The following TFEC variants were observed in gnomAD, a reference collection of about 807,000 sequenced individuals.
TFEC encodes the protein transcription factor EC.
Under a neutral mutation model 41.6 loss-of-function variants are expected in TFEC, and 31 were observed. That is an observed-to-expected ratio of 0.74 (90% CI 0.56 to 1.01). The LOEUF (loss-of-function observed/expected upper bound fraction) is 1.01. TFEC is among the 50% of genes least tolerant of loss of function. The probability of loss-of-function intolerance (pLI) is 0.00; values close to 1 mark genes in which losing one functional copy is unlikely to be tolerated. For missense variants in TFEC, 402 were observed against 404.1 expected, an observed-to-expected ratio of 0.99 and a Z score of 0.04; for synonymous variants, 143 against 140.6, an observed-to-expected ratio of 1.02 and a Z score of -0.12.
chr7:115,983,415 G>C (rs952880861), intron 2 of TFEC, among the ~76,000 whole-genome samples: 1 of 152,006 alleles, frequency 6.6e-6, no homozygotes, highest in African/African-American at 2.4e-5. Flanking sequence ...GAGGCTACAG[G>C]CTTAATAGAT....
At chr7:115,946,329 G>C (rs909853204) in intron 6 of TFEC, among the ~76,000 whole-genome samples, 1 of 150,212 alleles carries the variant, frequency 6.7e-6, no homozygotes, top group Admixed American at 6.7e-5. Flanking sequence ...ACAAATTGTT[G>C]AATTGTCCAA....
intron 3 of TFEC, among the ~76,000 whole-genome samples, chr7:116,105,155 CA>C (rs1241840151): frequency 6.6e-6 from 1 of 151,866 alleles, no homozygotes; most frequent in Non-Finnish European, 1.5e-5. Context: ...TCTAGAAGAC[CA>C]AGAAATCATA....
At chr7:115,976,536 G>T (rs1793387844) in intron 2 of TFEC, among the ~76,000 whole-genome samples, 1 of 152,178 alleles carries the variant, frequency 6.6e-6, no homozygotes, top group Non-Finnish European at 1.5e-5. Flanking sequence ...ATGGTCAGAT[G>T]TTAAATCCTT....
chr7:116,139,550 CA>C (rs1033773057), intron 1 of TFEC, among the ~76,000 whole-genome samples: 1 of 151,900 alleles, frequency 6.6e-6, no homozygotes, highest in Non-Finnish European at 1.5e-5. Flanking sequence ...TAATGTAAAA[CA>C]AAAAGTTTAA....
At chr7:116,062,505 A>G (rs1321205675) in intron 3 of TFEC, among the ~76,000 whole-genome samples, 1 of 141,982 alleles carries the variant, frequency 7.0e-6, no homozygotes, top group Non-Finnish European at 1.5e-5. Context: ...CTCTAATTCC[A>G]TACAGGTTGC....
At chr7:115,980,282 GC>G (rs1387680146) in intron 2 of TFEC, among the ~76,000 whole-genome samples, 1 of 152,066 alleles carries the variant, frequency 6.6e-6, no homozygotes, top group East Asian at 1.9e-4. Flanking sequence ...TGGTTTGAGG[GC>G]CTGAGAGATG....
intron 3 of TFEC, among the ~76,000 whole-genome samples, chr7:116,040,805 T>C (rs571122778): frequency 4.2e-4 from 64 of 152,284 alleles, no homozygotes; most frequent in African/African-American, 1.2e-3. Flanking sequence ...CATGAGTTGT[T>C]ATACTCCATG....
rs113956703 is a variant in TFEC, at chr7:116,070,628, G to T, written c.198+40080C>A. Reference sequence around the variant, plus strand: ...AATACATACACCTATTTTAGCTGTGGGTCAGAAATGTTCTCTTTTAATATA... The same window carrying T: ...AATACATACACCTATTTTAGCTGTGTGTCAGAAATGTTCTCTTTTAATATA... On this transcript the variant is annotated intron_variant, in intron 3 of 8. Coordinates refer to the TFEC transcript ENST00000484212. Among the ~76,000 whole-genome samples, 72 of 151,258 alleles carry T rather than the reference G, an allele frequency of 4.8e-4. 1 individual carries two copies. Among genetic ancestry groups the T allele is most frequent in the Non-Finnish European group, 9.8e-4 (66 of 67,376 alleles).
At chr7:115,958,569 C>G (rs1346880358) in intron 3 of TFEC, among the ~76,000 whole-genome samples, 1 of 151,732 alleles carries the variant, frequency 6.6e-6, no homozygotes, top group Non-Finnish European at 1.5e-5. Flanking sequence ...AGAAAAGGAG[C>G]CATATTACAG....
chr7:116,022,890 C>G (rs1189133330), intron 1 of TFEC, among the ~76,000 whole-genome samples: 1 of 152,012 alleles, frequency 6.6e-6, no homozygotes, highest in Non-Finnish European at 1.5e-5. Flanking sequence ...CATGAAACCC[C>G]GTGAGGTAGA....
chr7:116,068,650 T>A (rs1011702588), intron 3 of TFEC, among the ~76,000 whole-genome samples: 1 of 151,684 alleles, frequency 6.6e-6, no homozygotes, highest in Non-Finnish European at 1.5e-5. Flanking sequence ...AAAATATTAA[T>A]GATTATTTTA....
rs960299849 is a variant in TFEC at position 116,083,002 on chromosome 7, G to C, written c.198+27706C>G. Among the ~76,000 whole-genome samples, 3 of 151,746 alleles carry C rather than the reference G, an allele frequency of 2.0e-5. No homozygotes were observed. In the East Asian group the frequency reaches 5.8e-4, roughly 29 times the overall value. On this transcript the variant is annotated intron_variant, in intron 3 of 8. Transcript: ENST00000484212. ...AATAAATATATGGCATAGATACCAA[G>C]ATACGTTATGCTTTTAATAAAGATA...
At chr7:115,998,977 A>C (rs1169474254) in intron 1 of TFEC, among the ~76,000 whole-genome samples, 2 of 152,030 alleles carry the variant, frequency 1.3e-5, no homozygotes, top group Admixed American at 1.3e-4. Flanking sequence ...ACTATAAACC[A>C]AATAAACCTA....
chr7:116,007,013 C>T (rs998186973), intron 1 of TFEC, among the ~76,000 whole-genome samples: 6 of 152,100 alleles, frequency 3.9e-5, no homozygotes, highest in Non-Finnish European at 8.8e-5. Context: ...AACTGTAAGT[C>T]GATTAAACCT....
In TFEC at chr7:115,956,781, T is replaced by A; in HGVS notation, c.280A>T (p.Ile94Phe). ...LLMQRTLSGSILDVYSGEQGI... is the reference protein window; with the variant it reads ...LLMQRTLSGSFLDVYSGEQGI... ...TGTTCACCGCTATACACATCCAAAA[T>A]ACTTCCAGATAACTTGAGAGGAAAA... The change falls in exon 4 of 8, where the codon ATT (isoleucine) becomes TTT (phenylalanine). Residue 94 changes from isoleucine (I) to phenylalanine (F), a missense_variant. Ile to Phe is a conservative substitution (Grantham distance 21, BLOSUM62 0). Transcript: ENST00000265440. 1 of 1,571,408 alleles carries A rather than the reference T, an allele frequency of 6.4e-7. No individual in the cohort carries two copies. The highest frequency in any genetic ancestry group is 8.6e-7 in the Non-Finnish European group (1 of 1,158,998).
At chr7:116,079,362 T>C (rs1265502383) in intron 3 of TFEC, among the ~76,000 whole-genome samples, 3 of 152,000 alleles carry the variant, frequency 2.0e-5, no homozygotes, top group African/African-American at 7.2e-5. Context: ...ATAAAGGGCA[T>C]CCACATCAGT....
At chr7:116,153,445 G>A (rs1798803818) in intron 1 of TFEC, among the ~76,000 whole-genome samples, 1 of 152,102 alleles carries the variant, frequency 6.6e-6, no homozygotes, top group African/African-American at 2.4e-5. Flanking sequence ...AGTAGAGACG[G>A]GTTTTTACCG....
At chr7:115,957,061 A>G (rs1792274468) in intron 3 of TFEC, among the ~76,000 whole-genome samples, 1 of 151,998 alleles carries the variant, frequency 6.6e-6, no homozygotes, top group Admixed American at 6.6e-5. Flanking sequence ...GAAAATTCCT[A>G]TTAATATTTA....
At position 115,940,291 on chromosome 7, in the gene TFEC, C is replaced by G; in HGVS notation, c.*260G>C. 1 of 354,972 alleles carries G rather than the reference C, an allele frequency of 2.8e-6. No individual in the cohort carries two copies. Among genetic ancestry groups the G allele is most frequent in the South Asian group, 4.7e-5 (1 of 21,286 alleles). 22.0% of individuals were successfully genotyped at this position (354,972 alleles called of 1,614,324 possible). ...TAAAGAGCTATTTCTTATGCTGTAC[C>G]TCTTTTCAGGAAAACAGAATTTAAG... On this transcript the variant is annotated 3_prime_UTR_variant, in exon 8 of 8. Transcript: ENST00000265440.
Sources: gnomAD v4.1 joint callset for allele counts (sites outside exome capture counted in the v4.1 genomes callset) on GRCh38, gnomAD v4.1.1 for gene constraint, MANE v1.5 for transcripts, NCBI Gene and HGNC (gene_info 2026-07-23, HGNC 2026-07-21) for gene names.